Variants in ORC2 observed in about 807,000 individuals in gnomAD.
ORC2 encodes origin recognition complex protein 2 homolog.
ORC2 carries 37 observed loss-of-function variants against 77.7 expected under a neutral mutation model. The ratio of observed to expected loss-of-function variants is 0.48; its 90% confidence interval spans 0.37 to 0.63. The LOEUF (loss-of-function observed/expected upper bound fraction) is 0.63, where lower values mean the gene tolerates loss of function less well. Ranked by LOEUF, ORC2 falls within the 20% of genes least tolerant of loss-of-function variation. ORC2 has a pLI of 0.00. For synonymous variants in ORC2, 201 were observed against 229.5 expected, an observed-to-expected ratio of 0.88 and a Z score of 1.12; for missense variants, 557 against 661.9, an observed-to-expected ratio of 0.84 and a Z score of 1.74.
rs146175183 is a variant in ORC2, at chr2:200,956,228, G to A, written c.238+1173C>T. Among the ~76,000 whole-genome samples, 25 of 150,812 alleles carry A rather than the reference G, an allele frequency of 1.7e-4. No homozygotes were observed. The East Asian group carries it at 4.5e-3, about 27-fold the overall frequency. ...CTACAGGCACACGCCACCATGCTCA[G>A]CTAGTTTTATTTTTTTTTTGAGACA... On this transcript the variant is annotated intron_variant, in intron 4 of 17. Coordinates refer to ENST00000234296, the MANE Select transcript of ORC2 (RefSeq NM_006190.5).
chr2:200,949,597 A>G lies in ORC2; in HGVS notation c.285T>C (p.Tyr95=), dbSNP rs1286457311. The G allele has an allele frequency of 6.2e-7, 1 of 1,603,450 alleles. No individual in the cohort carries two copies. Among genetic ancestry groups the G allele is most frequent in the Admixed American group, 1.7e-5 (1 of 59,792 alleles). ...GSATGGGNKV[Y]SFQNRKHSEK... is the part of the protein sequence containing the mutation. Reference sequence around the variant, plus strand: ...CAGAGTGTTTTCTATTCTGAAAAGAATAAACTTTATTTCCACCACCTGTAG... The same window carrying G: ...CAGAGTGTTTTCTATTCTGAAAAGAGTAAACTTTATTTCCACCACCTGTAG... The change falls in exon 5 of 18, where the codon TAT becomes TAC. Residue 95 remains tyrosine, a synonymous_variant. Coordinates refer to ENST00000234296, the MANE Select transcript of ORC2 (RefSeq NM_006190.5).
chr2:200,957,764 A>C (rs1420042368), intron 3 of ORC2, among the ~76,000 whole-genome samples: 1 of 151,874 alleles, frequency 6.6e-6, no homozygotes, highest in Non-Finnish European at 1.5e-5. Context: ...TTAGGGTTCA[A>C]AATAACCACA....
chr2:200,909,741 CATA>C lies in ORC2; in HGVS notation c.*1557_*1559del, dbSNP rs1282227311. The C allele has an allele frequency of 1.7e-5, 2 of 115,486 alleles. No homozygotes were observed. The highest frequency in any genetic ancestry group is 6.3e-5 in the African/African-American group (2 of 31,734). 7.2% of individuals were successfully genotyped at this position (115,486 alleles called of 1,614,324 possible). A position where few individuals can be genotyped will look rare whatever the true frequency, so the allele number is the denominator to read the frequency against. ...AAAAAGACTAAGCCCATGGACTTAA[CATA>C]AAATTACTTTTTAAAAAAATGATTT... is the stretch of plus-strand genomic sequence containing the variant. On this transcript the variant is annotated 3_prime_UTR_variant, in exon 18 of 18. Coordinates refer to ENST00000234296, the MANE Select transcript of ORC2 (RefSeq NM_006190.5).
chr2:200,935,953 G>A lies in ORC2; in HGVS notation c.515-61C>T, dbSNP rs901699461. The A allele has an allele frequency of 3.4e-6, 5 of 1,458,190 alleles. No individual in the cohort carries two copies. In the African/African-American group the frequency reaches 5.6e-5, roughly 16 times the overall value. The allele number at this position is 1,458,190 out of a possible 1,614,324, so 90.3% of individuals were successfully genotyped here. Reference sequence around the variant, plus strand: ...TGGTTTGACAAGAGAGGCATTGTGGGGTAAAGCAAAGAGTGGGGGCTCTGT... The same window carrying A: ...TGGTTTGACAAGAGAGGCATTGTGGAGTAAAGCAAAGAGTGGGGGCTCTGT... On this transcript the variant is annotated intron_variant, in intron 8 of 17. Transcript: ENST00000234296.
intron 16 of ORC2, 74 bp downstream of exon 16, chr2:200,913,857 A>G: frequency 2.0e-6 from 3 of 1,505,996 alleles, no homozygotes; most frequent in Non-Finnish European, 2.7e-6. Flanking sequence ...CACTGCTGTC[A>G]TTAAATTCCA....
chr2:200,918,549 C>G (rs1441984277), intron 15 of ORC2, among the ~76,000 whole-genome samples: 1 of 149,808 alleles, frequency 6.7e-6, no homozygotes. Context: ...AGTGCAGTGG[C>G]GTGATCTTGG....
intron 1 of ORC2, among the ~76,000 whole-genome samples, chr2:200,961,491 G>C (rs1048728791): frequency 1.3e-5 from 2 of 152,138 alleles, no homozygotes; most frequent in Non-Finnish European, 2.9e-5. Flanking sequence ...ATTCATAATA[G>C]GTCTAATTAT....
chr2:200,957,300 A>G, intron 4 of ORC2, 101 bp downstream of exon 4: 1 of 766,434 alleles, frequency 1.3e-6, no homozygotes, highest in East Asian at 2.9e-5. Context: ...ACATGATCAT[A>G]TAGAACACCA....
chr2:200,939,044 GAAAA>G (rs199696935), intron 7 of ORC2, among the ~76,000 whole-genome samples: 1 of 128,320 alleles, frequency 7.8e-6, no homozygotes. Context: ...TCCTCAGGGG[GAAAA>G]AAAAAAAAAA....
chr2:200,939,863 G>T (rs1442507165), intron 7 of ORC2, among the ~76,000 whole-genome samples: 1 of 152,154 alleles, frequency 6.6e-6, no homozygotes, highest in Non-Finnish European at 1.5e-5. Flanking sequence ...TTCTTGATTA[G>T]ATTATGGCAA....
At chr2:200,953,310 TAC>T (rs1425349116) in intron 4 of ORC2, among the ~76,000 whole-genome samples, 2 of 152,024 alleles carry the variant, frequency 1.3e-5, no homozygotes, top group African/African-American at 4.8e-5. Context: ...TACTAGCTAT[TAC>T]AGTTCTTTTT....
chr2:200,933,460 A>G (rs1282804139), intron 10 of ORC2, among the ~76,000 whole-genome samples: 2 of 152,228 alleles, frequency 1.3e-5, no homozygotes, highest in African/African-American at 4.8e-5. Context: ...TGGTAAATGG[A>G]TATCAAGGAA....
chr2:200,910,042 C>A lies in ORC2; in HGVS notation c.*1259G>T, dbSNP rs2040524396. The A allele has an allele frequency of 6.6e-6, 1 of 152,126 alleles. No homozygotes were observed. Among genetic ancestry groups the A allele is most frequent in the South Asian group, 2.1e-4 (1 of 4,838 alleles). 9.4% of individuals were successfully genotyped at this position (152,126 alleles called of 1,614,324 possible). ...CCTCCCAAAGTGTTGTGATTACAGG[C>A]ATAAGCCATTATGCCTGGCCAAAAT... On this transcript the variant is annotated 3_prime_UTR_variant, in exon 18 of 18. Coordinates refer to ENST00000234296, the MANE Select transcript of ORC2 (RefSeq NM_006190.5).
At position 200,963,545 on chromosome 2, in the gene ORC2, C is replaced by T. The variant is rs2041622758; in HGVS notation, c.-115G>A. 2.5e-6 allele frequency: 1 copy of T among 398,522 alleles called. No individual in the cohort carries two copies. The highest frequency in any genetic ancestry group is 2.1e-5 in the African/African-American group (1 of 48,658). 24.7% of individuals were successfully genotyped at this position (398,522 alleles called of 1,614,324 possible). On this transcript the variant is annotated 5_prime_UTR_variant, in exon 1 of 18. Coordinates refer to ENST00000234296, the MANE Select transcript of ORC2 (RefSeq NM_006190.5). ...TGCGTCACGCCGGCCGAACGACACC[C>T]CGCTGAGTCGCCGCCGCAGGGAAGG...
chr2:200,953,414 T>C (rs1195382583), intron 4 of ORC2, among the ~76,000 whole-genome samples: 1 of 138,048 alleles, frequency 7.2e-6, no homozygotes, highest in Admixed American at 6.9e-5. Context: ...GGCTACTGTT[T>C]TTTTTTTTTT....
rs2040595753 is a variant in ORC2, at chr2:200,914,006, A to AC, written c.1467-15_1467-14insG. 1.3e-6 allele frequency: 2 copies of AC among 1,529,092 alleles called. No homozygotes were observed. The highest frequency in any genetic ancestry group is 2.0e-5 in the Admixed American group (1 of 51,070). 94.7% of individuals were successfully genotyped at this position (1,529,092 alleles called of 1,614,324 possible). ...CTGAAAATTCCCCTAAAAAAAAAAA[A>AC]AAACAGGAATTTAAATCCAAAAATG... On this transcript the variant is annotated splice_polypyrimidine_tract_variant and intron_variant, in intron 15 of 17. Transcript: ENST00000234296.
chr2:200,929,232 T>C (rs1199021094), intron 11 of ORC2, among the ~76,000 whole-genome samples: 1 of 152,162 alleles, frequency 6.6e-6, no homozygotes. Flanking sequence ...ATTACAGACG[T>C]GAGCCACCGT....
chr2:200,949,317 A>T (rs1055572178), intron 5 of ORC2, among the ~76,000 whole-genome samples: 1 of 152,130 alleles, frequency 6.6e-6, no homozygotes, highest in African/African-American at 2.4e-5. Flanking sequence ...CACATACTAC[A>T]AGAAGCTTAT....
chr2:200,926,032 G>T (rs529205743), intron 12 of ORC2, 100 bp from the exon 13 acceptor site: 93 of 494,188 alleles, frequency 1.9e-4, no homozygotes, highest in African/African-American at 1.7e-3. Context: ...AATGAATTTG[G>T]ATTTCCCAAA....
Sources: allele counts gnomAD v4.1 joint callset (sites outside exome capture counted in the v4.1 genomes callset), GRCh38; gene constraint gnomAD v4.1.1; transcripts MANE v1.5; gene names NCBI Gene and HGNC (gene_info 2026-07-23, HGNC 2026-07-21).